The following MROH9 variants were observed in gnomAD, a reference collection of about 807,000 sequenced individuals.
The protein encoded by MROH9 is maestro heat like repeat family member 9, also known as maestro heat-like repeat-containing protein family member 9.
Under a neutral mutation model 98.2 loss-of-function variants are expected in MROH9, and 92 were observed. That is an observed-to-expected ratio of 0.94 (90% confidence interval 0.79 to 1.11). The LOEUF (loss-of-function observed/expected upper bound fraction) is 1.11. Among genes scored for constraint, MROH9 ranks in the 50% most tolerant of loss-of-function variants. The pLI is 0.00. For synonymous variants in MROH9, 397 were observed against 368.9 expected (o/e 1.08, Z -0.87); for missense variants, 1,057 against 1,014.8 (o/e 1.04, Z -0.57).
chr1:170,965,387 A>G (rs1362676728), intron 7 of MROH9, 132 bp downstream of exon 7: 2 of 580,528 alleles, frequency 3.4e-6, no homozygotes, highest in African/African-American at 3.8e-5. Flanking sequence ...TGGTTGGGAT[A>G]TCAGAAAAGG....
At chr1:170,948,661 A>T (rs1381014512) in intron 3 of MROH9, among the ~76,000 whole-genome samples, 1 of 152,106 alleles carries the variant, frequency 6.6e-6, no homozygotes, top group African/African-American at 2.4e-5. Context: ...AGAGATTTTA[A>T]AAAATTCAGT....
intron 20 of MROH9, among the ~76,000 whole-genome samples, chr1:171,046,619 A>AT (rs1653480768): frequency 6.6e-6 from 1 of 152,048 alleles, no homozygotes; most frequent in Non-Finnish European, 1.5e-5. Context: ...TTATTGTACT[A>AT]TGTCTTGAAA....
Position 170,995,468 on chromosome 1 carries a change from C to T in MROH9, c.1274C>T (p.Thr425Met), listed in dbSNP as rs141841342. 409 of 1,613,348 alleles carry T rather than the reference C, an allele frequency of 2.5e-4. 1 individual carries two copies. The East Asian group carries it at 7.6e-3, about 30-fold the overall frequency. Residue 425 changes from threonine (T) to methionine (M), a missense_variant, in exon 13 of 22, where the codon ACG becomes ATG. Coordinates refer to ENST00000367759, the MANE Select transcript of MROH9 (RefSeq NM_001163629.2). The stretch of plus-strand genomic sequence containing the variant: ...GCCCAGTATTTCCCCCAGCTCTTGA[C>T]GACTCTTATGTTCCAAGTCTTCTAC... Reference protein sequence around the residue: ...AVAQYFPQLLTTLMFQVFYNS... With the variant: ...AVAQYFPQLLMTLMFQVFYNS...
chr1:170,995,613 G>A (rs1651538516), intron 13 of MROH9, 82 bp downstream of exon 13: 1 of 1,485,136 alleles, frequency 6.7e-7, no homozygotes, highest in Non-Finnish European at 9.2e-7. Context: ...GGTTCATATG[G>A]GATTCTTTAC....
chr1:170,950,985 C>T (rs1649531122), intron 3 of MROH9, among the ~76,000 whole-genome samples: 1 of 151,552 alleles, frequency 6.6e-6, no homozygotes, highest in African/African-American at 2.4e-5. Context: ...ACTGAAAATC[C>T]CTCTTTTTTT....
intron 4 of MROH9, 76 bp downstream of exon 4, chr1:170,958,616 TTGTGAAAGA>T (rs1649886115): frequency 2.0e-6 from 2 of 1,019,984 alleles, no homozygotes; most frequent in East Asian, 4.9e-5. Context: ...AAACATGCAA[TTGTGAAAGA>T]TAAGAAATTA....
chr1:171,063,004 TTCAC>T (rs991153025), intron 21 of MROH9, among the ~76,000 whole-genome samples: 19 of 152,132 alleles, frequency 1.2e-4, no homozygotes, highest in Admixed American at 1.1e-3. Context: ...CATTCATTCA[TTCAC>T]TCACTCATTC....
intron 17 of MROH9, among the ~76,000 whole-genome samples, chr1:171,020,737 C>T (rs1274246031): frequency 6.6e-6 from 1 of 152,114 alleles, no homozygotes; most frequent in Non-Finnish European, 1.5e-5. Context: ...CACTCCTATG[C>T]ATCATAGTAT....
intron 15 of MROH9, among the ~76,000 whole-genome samples, chr1:171,003,697 C>T (rs1472718717): frequency 1.3e-5 from 2 of 152,102 alleles, no homozygotes; most frequent in African/African-American, 4.8e-5. Flanking sequence ...TGTTTTAATG[C>T]TCTATTTTTG....
intron 15 of MROH9, among the ~76,000 whole-genome samples, chr1:171,004,183 A>G (rs1437120785): frequency 6.6e-6 from 1 of 152,194 alleles, no homozygotes; most frequent in Non-Finnish European, 1.5e-5. Context: ...GCTGCAAAAG[A>G]AAAAGGCTTT....
intron 20 of MROH9, among the ~76,000 whole-genome samples, chr1:171,056,635 G>A (rs1653846278): frequency 6.6e-6 from 1 of 152,194 alleles, no homozygotes; most frequent in African/African-American, 2.4e-5. Flanking sequence ...CAGTCAAAGT[G>A]CTTCATTAAA....
At position 171,061,074 on chromosome 1, in the gene MROH9, A is replaced by G. The variant is rs188367502; in HGVS notation, c.2282-1058A>G. 1.6e-3 allele frequency among the ~76,000 whole-genome samples: 247 copies of G among 152,334 alleles called. 1 individual carries two copies. Among genetic ancestry groups the G allele is most frequent in the Non-Finnish European group, 2.9e-3 (194 of 68,012 alleles). On this transcript the variant is annotated intron_variant, in intron 20 of 21. Transcript: ENST00000367759. ...ACACCGGCAAGAGACTTATCTGAAT[A>G]AGCATTTCACAAAAGAAGACATCCA...
At chr1:171,000,652 TA>T (rs1331648944) in intron 15 of MROH9, among the ~76,000 whole-genome samples, 1 of 152,168 alleles carries the variant, frequency 6.6e-6, no homozygotes, top group African/African-American at 2.4e-5. Context: ...AGTATTTTGT[TA>T]AGGATTTTAG....
rs763040210 is a variant in MROH9 at position 170,959,595 on chromosome 1, G to A, written c.286G>A (p.Glu96Lys). ...GSSYEYIEDMENLYHNILNIY... is the reference protein window; with the variant it reads ...GSSYEYIEDMKNLYHNILNIY... ...CAGTTATGAGTACATTGAGGACATGGAGGTAAAATTTTTCTTCCTTTAATC... is the reference window on the plus strand; with the variant it reads ...CAGTTATGAGTACATTGAGGACATGAAGGTAAAATTTTTCTTCCTTTAATC... Residue 96 changes from glutamate (E) to lysine (K), a missense_variant and splice_region_variant, in exon 5 of 22, where the codon GAG becomes AAG. Glu to Lys is a moderately conservative substitution (Grantham distance 56, BLOSUM62 1). Coordinates refer to ENST00000367759, the MANE Select transcript of MROH9 (RefSeq NM_001163629.2). The A allele has an allele frequency of 1.2e-6, 2 of 1,610,804 alleles. No homozygotes were observed. Among genetic ancestry groups the A allele is most frequent in the Non-Finnish European group, 1.7e-6 (2 of 1,178,986 alleles).
chr1:170,948,602 G>A (rs1269442795), intron 3 of MROH9, among the ~76,000 whole-genome samples: 1 of 152,012 alleles, frequency 6.6e-6, no homozygotes, highest in Non-Finnish European at 1.5e-5. Flanking sequence ...GAGAAACAAA[G>A]TAGAATAAAA....
At chr1:170,946,463 A>G (rs1324063367) in intron 2 of MROH9, among the ~76,000 whole-genome samples, 1 of 151,992 alleles carries the variant, frequency 6.6e-6, no homozygotes, top group Non-Finnish European at 1.5e-5. Context: ...CCAGAACCAG[A>G]AAAGGATATT....
chr1:170,968,157 G>T (rs1478392128), intron 7 of MROH9, among the ~76,000 whole-genome samples: 1 of 152,116 alleles, frequency 6.6e-6, no homozygotes, highest in East Asian at 1.9e-4. Context: ...GTGCCCTGTA[G>T]AACCCTAGAG....
intron 3 of MROH9, among the ~76,000 whole-genome samples, chr1:170,948,490 GA>G (rs1454673191): frequency 6.6e-6 from 1 of 151,970 alleles, no homozygotes; most frequent in Non-Finnish European, 1.5e-5. Context: ...CATAGAGTCA[GA>G]AAGATGCAGT....
intron 16 of MROH9, among the ~76,000 whole-genome samples, chr1:171,015,374 G>T (rs1652291882): frequency 6.6e-6 from 1 of 152,170 alleles, no homozygotes. Flanking sequence ...GAGAGTGAAA[G>T]AAAAGTAGTG....
Sources: allele counts gnomAD v4.1 joint callset (sites outside exome capture counted in the v4.1 genomes callset), GRCh38; gene constraint gnomAD v4.1.1; transcripts MANE v1.5; gene names NCBI Gene and HGNC (gene_info 2026-07-23, HGNC 2026-07-21).